Variants in ABL1 observed in about 807,000 individuals in gnomAD.
ABL1 encodes ABL proto-oncogene 1, non-receptor tyrosine kinase, also known as tyrosine-protein kinase ABL1.
Under a neutral mutation model 94.7 loss-of-function variants are expected in ABL1, and 11 were observed. That is an observed-to-expected ratio of 0.12 (90% CI 0.07 to 0.19). The LOEUF (loss-of-function observed/expected upper bound fraction) is 0.19, where lower values mean the gene tolerates loss of function less well. ABL1 is among the 10% of genes least tolerant of loss of function. ABL1 has a pLI of 1.00. For synonymous variants in ABL1, 656 were observed against 622.4 expected, an observed-to-expected ratio of 1.05 and a Z score of -0.80; for missense variants, 1,082 against 1,489.4, an observed-to-expected ratio of 0.73 and a Z score of 4.50.
intron 4 of ABL1, among the ~76,000 whole-genome samples, chr9:130,869,322 A>T (rs1831212420): frequency 6.6e-6 from 1 of 152,208 alleles, no homozygotes; most frequent in Admixed American, 6.5e-5. Flanking sequence ...CCTTAATAGT[A>T]ATAAAAGCAA....
At chr9:130,849,531 T>C (rs1830824652) in intron 1 of ABL1, among the ~76,000 whole-genome samples, 1 of 152,198 alleles carries the variant, frequency 6.6e-6, no homozygotes, top group Non-Finnish European at 1.5e-5. Context: ...TTTTTTTGTT[T>C]TTTTTTGAGA....
At chr9:130,866,548 T>C (rs1012401648) in intron 4 of ABL1, among the ~76,000 whole-genome samples, 4 of 152,136 alleles carry the variant, frequency 2.6e-5, no homozygotes, top group Admixed American at 6.6e-5. Flanking sequence ...GCCAGAGTCC[T>C]CTTTTGCCAG....
At chr9:130,769,826 C>T (rs1325368815) in intron 1 of ABL1, among the ~76,000 whole-genome samples, 2 of 152,108 alleles carry the variant, frequency 1.3e-5, no homozygotes, top group Admixed American at 6.6e-5. Flanking sequence ...TTCCCTTGTG[C>T]GGCCCTTTTG....
chr9:130,811,977 A>G (rs903567549), intron 1 of ABL1, among the ~76,000 whole-genome samples: 1 of 149,924 alleles, frequency 6.7e-6, no homozygotes, highest in South Asian at 2.1e-4. Context: ...AAGATGGCAG[A>G]AAAAAAAACT....
At chr9:130,731,161 C>A (rs370441412) in intron 1 of ABL1, among the ~76,000 whole-genome samples, 3 of 151,700 alleles carry the variant, frequency 2.0e-5, no homozygotes, top group East Asian at 3.9e-4. Context: ...CGCCCACCAC[C>A]ATGCCCAGCT....
At chr9:130,815,232 G>A (rs966485189) in intron 1 of ABL1, among the ~76,000 whole-genome samples, 5 of 152,124 alleles carry the variant, frequency 3.3e-5, no homozygotes, top group Non-Finnish European at 5.9e-5. Context: ...TACTCAGGAG[G>A]CTGAGGCAGG....
chr9:130,868,228 G>A (rs182501049), intron 4 of ABL1, among the ~76,000 whole-genome samples: 28 of 152,214 alleles, frequency 1.8e-4, no homozygotes, highest in African/African-American at 6.7e-4. Context: ...AAAGTGCTGG[G>A]ATTACAGGCG....
At chr9:130,737,084 A>G (rs780344434) in intron 1 of ABL1, among the ~76,000 whole-genome samples, 11 of 152,064 alleles carry the variant, frequency 7.2e-5, no homozygotes, top group Admixed American at 2.0e-4. Flanking sequence ...GGAGAGGCCT[A>G]AGTATCAGTT....
chr9:130,808,431 AT>A (rs1830160179), intron 1 of ABL1, among the ~76,000 whole-genome samples: 1 of 151,408 alleles, frequency 6.6e-6, no homozygotes, highest in Non-Finnish European at 1.5e-5. Flanking sequence ...TTTAGTAGAG[AT>A]GGGGTTTCAC....
Position 130,872,754 on chromosome 9 carries a change from A to T in ABL1, c.908-106A>T. ...GACCATGTTGGAAGTTGGGCCCAGG[A>T]CTGAGGAGCAGAGTCAGAATCCTTC... On this transcript the variant is annotated intron_variant, in intron 5 of 10. Transcript: ENST00000318560. The surrounding 1 kb of genome is among the most constrained non-coding windows in gnomAD (Gnocchi z 5.0). 1 of 1,219,690 alleles carries T rather than the reference A, an allele frequency of 8.2e-7. No homozygotes were observed. Among genetic ancestry groups the T allele is most frequent in the Non-Finnish European group, 1.2e-6 (1 of 866,394 alleles). 75.6% of individuals were successfully genotyped at this position (1,219,690 alleles called of 1,614,324 possible).
In ABL1 at chr9:130,837,914, T is replaced by C. The variant is rs73656053; in HGVS notation, c.79+2389T>C. Among the ~76,000 whole-genome samples, 891 of 152,314 alleles carry C rather than the reference T, an allele frequency of 5.8e-3. 13 individuals are homozygous for C. The highest frequency in any genetic ancestry group is 0.02 in the African/African-American group (837 of 41,580). ...ATTCCCTGTCAGGGAGAGAATTGAA[T>C]GAGATCAAGTTTTTCATTGTTCTAT... On this transcript the variant is annotated intron_variant, in intron 1 of 10. Transcript: ENST00000318560.
chr9:130,882,268 G>A (rs966608940), intron 10 of ABL1, among the ~76,000 whole-genome samples: 37 of 152,164 alleles, frequency 2.4e-4, no homozygotes, highest in African/African-American at 8.9e-4. Flanking sequence ...TTGGTGAGCC[G>A]AGGGTGTCAA....
At chr9:130,821,594 G>A (rs923378476) in intron 1 of ABL1, among the ~76,000 whole-genome samples, 1 of 150,738 alleles carries the variant, frequency 6.6e-6, no homozygotes, top group Non-Finnish European at 1.5e-5. Context: ...ATATATCCAT[G>A]TATAAGTCTT....
rs1264643667 is a variant in ABL1 at position 130,863,538 on chromosome 9, A to G, written c.822+503A>G. On this transcript the variant is annotated intron_variant, in intron 4 of 10. Transcript: ENST00000318560. This position sits in a 1 kb window ranked among gnomAD's most constrained non-coding sequence, Gnocchi z 4.3. ...TGCAGCTGCCCAGACTCCTGCAGGC[A>G]GAGGTGGAAGTGTCCCCGCTAGAAA... 6.6e-6 allele frequency among the ~76,000 whole-genome samples: 1 copy of G among 152,242 alleles called. No individual in the cohort carries two copies. Among genetic ancestry groups the G allele is most frequent in the Non-Finnish European group, 1.5e-5 (1 of 68,042 alleles).
chr9:130,717,888 C>T (rs1158097839), intron 1 of ABL1, among the ~76,000 whole-genome samples: 2 of 152,072 alleles, frequency 1.3e-5, no homozygotes, highest in Admixed American at 6.6e-5. Flanking sequence ...TGGCACATGC[C>T]TCTAATCCCA....
chr9:130,730,046 CT>C lies in ABL1; in HGVS notation c.136+15605del, dbSNP rs138446676. Among the ~76,000 whole-genome samples the C allele has an allele frequency of 1.9e-3, 202 of 107,026 alleles. 2 individuals carry two copies. Among genetic ancestry groups the C allele is most frequent in the African/African-American group, 2.2e-3 (56 of 25,508 alleles). 70.2% of individuals were successfully genotyped at this position (107,026 alleles called of 152,430 possible). A position where few individuals can be genotyped will look rare whatever the true frequency, so the allele number is the denominator to read the frequency against. ...GCGTGAGCCACTGCGCCCAGCCAGA[CT>C]TTTTTTTTTTTTTGAGATGGAATTC... is the stretch of plus-strand genomic sequence containing the variant. On this transcript the variant is annotated intron_variant, in intron 1 of 10. Transcript: ENST00000372348.
intron 1 of ABL1, among the ~76,000 whole-genome samples, chr9:130,848,363 A>C (rs1343307053): frequency 6.6e-6 from 1 of 150,442 alleles, no homozygotes; most frequent in Non-Finnish European, 1.5e-5. Context: ...AAAAAAAAAA[A>C]AAAACTTAGC....
intron 1 of ABL1, among the ~76,000 whole-genome samples, chr9:130,727,684 G>A (rs1831603951): frequency 6.7e-6 from 1 of 150,174 alleles, no homozygotes; most frequent in Admixed American, 6.6e-5. Context: ...TGAACCCGGG[G>A]TACAGAGGTT....
exon 1 of ABL1, chr9:130,714,014 T>G (rs575463515): frequency 6.8e-6 from 2 of 293,096 alleles, no homozygotes; most frequent in Non-Finnish European, 1.3e-5. Context: ...CTGTTTAGGT[T>G]TTTCTTCTTG....
Sources: allele counts gnomAD v4.1 joint callset (sites outside exome capture counted in the v4.1 genomes callset), GRCh38; gene constraint gnomAD v4.1.1; non-coding constraint Gnocchi (gnomAD v3.1); transcripts MANE v1.5; gene names NCBI Gene and HGNC (gene_info 2026-07-23, HGNC 2026-07-21).